NRXN3: variants seen among roughly 807,000 people sequenced by gnomAD.
NRXN3 encodes neurexin III.
Under a neutral mutation model 137.6 loss-of-function variants are expected in NRXN3, and 32 were observed. The ratio of observed to expected loss-of-function variants is 0.23; its 90% CI spans 0.18 to 0.31. The LOEUF is 0.31. NRXN3 is among the 10% of genes least tolerant of loss of function. The pLI, the probability that NRXN3 is intolerant of heterozygous loss-of-function variation, is 1.00. For synonymous variants in NRXN3, 798 were observed against 784.5 expected, an observed-to-expected ratio of 1.02 and a Z score of -0.29; for missense variants, 1,574 against 2,062.5, an observed-to-expected ratio of 0.76 and a Z score of 4.59.
chr14:79,603,975 C>T lies in NRXN3; in HGVS notation c.3445-59803C>T, dbSNP rs528314494. 3.5e-3 allele frequency among the ~76,000 whole-genome samples: 538 copies of T among 152,234 alleles called. 1 individual carries two copies. Among genetic ancestry groups the T allele is most frequent in the African/African-American group, 0.013 (522 of 41,532 alleles). On this transcript the variant is annotated intron_variant, in intron 16 of 20. Transcript: ENST00000335750. ...TGCTGTTGGCTCACTGCAAACTCCACCTCCCAGGTTCAAGCGATTCTCCTG... is the reference window on the plus strand; with the variant it reads ...TGCTGTTGGCTCACTGCAAACTCCATCTCCCAGGTTCAAGCGATTCTCCTG...
intron 19 of NRXN3, among the ~76,000 whole-genome samples, chr14:79,723,030 C>A (rs1276250547): frequency 6.6e-6 from 1 of 151,942 alleles, no homozygotes; most frequent in South Asian, 2.1e-4. Context: ...GCATTTATGT[C>A]GATACTACCC....
At chr14:79,559,761 T>C (rs905723957) in intron 16 of NRXN3, among the ~76,000 whole-genome samples, 4 of 152,142 alleles carry the variant, frequency 2.6e-5, no homozygotes, top group Admixed American at 2.6e-4. Context: ...AAAAGTGCAA[T>C]AAAATGATGT....
intron 4 of NRXN3, among the ~76,000 whole-genome samples, chr14:78,454,134 C>A (rs989227831): frequency 6.6e-6 from 1 of 152,174 alleles, no homozygotes; most frequent in Non-Finnish European, 1.5e-5. Context: ...ATCCTGAGAA[C>A]AATATCTTAG....
chr14:79,475,608 A>G (rs1390575279), intron 16 of NRXN3, among the ~76,000 whole-genome samples: 2 of 152,090 alleles, frequency 1.3e-5, no homozygotes, highest in Non-Finnish European at 2.9e-5. Flanking sequence ...TTTTCTACTC[A>G]TTATGAGGTG....
At chr14:78,976,960 C>T (rs1008301119) in intron 14 of NRXN3, among the ~76,000 whole-genome samples, 1 of 152,192 alleles carries the variant, frequency 6.6e-6, no homozygotes. Flanking sequence ...GTGACTACAA[C>T]CTTAGCTGAT....
intron 15 of NRXN3, among the ~76,000 whole-genome samples, chr14:78,989,265 C>T (rs1175475128): frequency 6.6e-6 from 1 of 152,182 alleles, no homozygotes; most frequent in African/African-American, 2.4e-5. Context: ...ACACCAATTA[C>T]AATGCTATGC....
chr14:79,601,246 T>C (rs987511995), intron 16 of NRXN3, among the ~76,000 whole-genome samples: 3 of 152,060 alleles, frequency 2.0e-5, no homozygotes, highest in African/African-American at 4.8e-5. Flanking sequence ...TTTCACCATG[T>C]TGGCCAGAAT....
intron 4 of NRXN3, among the ~76,000 whole-genome samples, chr14:78,542,166 A>G (rs556328239): frequency 2.0e-5 from 3 of 152,318 alleles, no homozygotes; most frequent in Admixed American, 6.5e-5. Flanking sequence ...CCATTCTCAG[A>G]GCCCAAACAC....
rs1169075153 is a variant in NRXN3, at chr14:78,803,739, C to T, written c.2164C>T (p.Leu722=). The T allele has an allele frequency of 1.2e-6, 2 of 1,614,078 alleles. No individual in the cohort carries two copies. The highest frequency in any genetic ancestry group is 2.2e-5 in the East Asian group (1 of 44,868). The change falls in exon 9 of 21, where the codon CTG becomes TTG. Residue 722 remains leucine, a synonymous_variant. Coordinates refer to ENST00000335750, the MANE Select transcript of NRXN3 (RefSeq NM_001330195.2). ...CATGTCCCAGCGAGCTTATGGGCTGCTGGTGGCTACGACCTCCAGGGACTC... is the reference window on the plus strand; with the variant it reads ...CATGTCCCAGCGAGCTTATGGGCTGTTGGTGGCTACGACCTCCAGGGACTC... ...RFMSQRAYGL[L]VATTSRDSAD... is the part of the protein sequence containing the mutation.
intron 19 of NRXN3, among the ~76,000 whole-genome samples, chr14:79,773,094 G>C (rs978871353): frequency 3.3e-5 from 5 of 152,150 alleles, no homozygotes; most frequent in Non-Finnish European, 5.9e-5. Flanking sequence ...TCTCATACCA[G>C]TTAGAATGGC....
At chr14:78,347,119 A>G (rs962087578) in intron 4 of NRXN3, among the ~76,000 whole-genome samples, 1 of 152,220 alleles carries the variant, frequency 6.6e-6, no homozygotes, top group African/African-American at 2.4e-5. Flanking sequence ...GAAAAAGTTT[A>G]TGAATTGCCG....
intron 2 of NRXN3, among the ~76,000 whole-genome samples, chr14:78,263,873 T>G (rs1308715418): frequency 7.4e-6 from 1 of 135,584 alleles, no homozygotes; most frequent in Non-Finnish European, 1.6e-5. Flanking sequence ...CAGTTCTATT[T>G]TGTGTGTGTG....
At chr14:78,892,209 A>C (rs573177291) in intron 10 of NRXN3, among the ~76,000 whole-genome samples, 27 of 152,112 alleles carry the variant, frequency 1.8e-4, no homozygotes, top group Admixed American at 1.6e-3. Context: ...ACCACTGGGC[A>C]CAGGAACGCT....
In NRXN3 at chr14:79,859,546, A is replaced by C. The variant is rs552369546; in HGVS notation, c.4094-1796A>C. ...CAATCTTCATAGGAAAAACCCTGGAAGACTGTGTAGGCTCCAAGGCTTATT... is the reference window on the plus strand; with the variant it reads ...CAATCTTCATAGGAAAAACCCTGGACGACTGTGTAGGCTCCAAGGCTTATT... On this transcript the variant is annotated intron_variant, in intron 20 of 20. Transcript: ENST00000335750. 1.8e-4 allele frequency among the ~76,000 whole-genome samples: 28 copies of C among 152,288 alleles called. No individual in the cohort carries two copies. The South Asian group carries it at 5.4e-3, about 29-fold the overall frequency.
chr14:79,176,611 T>G (rs1009301531), intron 15 of NRXN3, among the ~76,000 whole-genome samples: 2 of 152,208 alleles, frequency 1.3e-5, no homozygotes, highest in African/African-American at 4.8e-5. Flanking sequence ...GCTCGTTCAG[T>G]CCTCTGCAAA....
chr14:79,537,436 C>T (rs893616305), intron 16 of NRXN3, among the ~76,000 whole-genome samples: 5 of 152,052 alleles, frequency 3.3e-5, no homozygotes, highest in Non-Finnish European at 7.4e-5. Flanking sequence ...TGCTATCCCT[C>T]CCCCTCCCTG....
At chr14:78,330,884 A>T (rs2080736361) in intron 4 of NRXN3, among the ~76,000 whole-genome samples, 1 of 152,226 alleles carries the variant, frequency 6.6e-6, no homozygotes, top group Non-Finnish European at 1.5e-5. Flanking sequence ...ATTTACTAGC[A>T]GTTTTTCATT....
intron 4 of NRXN3, among the ~76,000 whole-genome samples, chr14:78,485,065 T>TC (rs923807039): frequency 6.6e-6 from 1 of 151,960 alleles, no homozygotes; most frequent in African/African-American, 2.4e-5. Context: ...GTGTCAAAGC[T>TC]CCCCCACTGC....
intron 15 of NRXN3, among the ~76,000 whole-genome samples, chr14:79,466,634 T>C (rs1322025131): frequency 6.6e-6 from 1 of 152,120 alleles, no homozygotes; most frequent in Non-Finnish European, 1.5e-5. Flanking sequence ...ACCATGTTTA[T>C]AGCAACACAA....
Sources: allele counts gnomAD v4.1 joint callset (sites outside exome capture counted in the v4.1 genomes callset), GRCh38; gene constraint gnomAD v4.1.1; transcripts MANE v1.5; gene names NCBI Gene and HGNC (gene_info 2026-07-23, HGNC 2026-07-21).